Variants in FEM1C observed in about 807,000 individuals in gnomAD.
The protein encoded by FEM1C is protein fem-1 homolog C.
In FEM1C, 15 loss-of-function variants were observed where a neutral mutation model predicts 37.6. The observed-to-expected ratio is 0.40, with a 90% CI of 0.27 to 0.61. The LOEUF is 0.61. Ranked by LOEUF, FEM1C falls within the 20% of genes least tolerant of loss-of-function variation. FEM1C has a pLI of 0.42. For synonymous variants in FEM1C, 287 were observed against 272.8 expected, an observed-to-expected ratio of 1.05 and a Z score of -0.51; for missense variants, 532 against 749.7, an observed-to-expected ratio of 0.71 and a Z score of 3.39.
chr5:115,524,254 T>C lies in FEM1C; in HGVS notation c.*54A>G, dbSNP rs1753835218. The C allele has an allele frequency of 8.3e-6, 12 of 1,448,166 alleles. No homozygotes were observed. In the South Asian group the frequency reaches 1.4e-4, roughly 17 times the overall value. The allele number at this position is 1,448,166 out of a possible 1,614,324, so 89.7% of individuals were successfully genotyped here. On this transcript the variant is annotated 3_prime_UTR_variant, in exon 3 of 3. Transcript: ENST00000274457. ...GTGTTATCACAACAGTGCTCATTTA[T>C]GAAACAACTGTTACCAATTCGTGCT... is the stretch of plus-strand genomic sequence containing the variant.
At position 115,524,716 on chromosome 5, in the gene FEM1C, G is replaced by A. The variant is rs763454624; in HGVS notation, c.1446C>T (p.Asn482=). The change falls in exon 3 of 3, where the codon AAC becomes AAT. Residue 482 remains asparagine (N), a synonymous_variant. Transcript: ENST00000274457. Reference sequence around the variant, plus strand: ...CCACAGCCAGATGAAGAGGGCTGAAGTTATTCTTTCCCCTTGGATGCAGCT... The same window carrying A: ...CCACAGCCAGATGAAGAGGGCTGAAATTATTCTTTCCCCTTGGATGCAGCT... ...FLKLHPRGKN[N]FSPLHLAVDK... is the part of the protein sequence containing the mutation. The A allele has an allele frequency of 1.3e-6, 2 of 1,542,516 alleles. No individual in the cohort carries two copies. Among genetic ancestry groups the A allele is most frequent in the Non-Finnish European group, 1.7e-6 (2 of 1,149,138 alleles).
intron 2 of FEM1C, among the ~76,000 whole-genome samples, chr5:115,528,494 G>A (rs1753950123): frequency 2.6e-5 from 4 of 152,090 alleles, no homozygotes; most frequent in Admixed American, 2.6e-4. Context: ...TAACCCTAGG[G>A]AGTTAAAGTT....
chr5:115,541,848 A>G (rs1754248512), intron 2 of FEM1C, among the ~76,000 whole-genome samples: 1 of 152,134 alleles, frequency 6.6e-6, no homozygotes, highest in South Asian at 2.1e-4. Flanking sequence ...TTGTACATAG[A>G]CAAGTATGCT....
chr5:115,540,059 C>T (rs573287722), intron 2 of FEM1C, among the ~76,000 whole-genome samples: 1 of 152,032 alleles, frequency 6.6e-6, no homozygotes, highest in South Asian at 2.1e-4. Context: ...AGGAATTATT[C>T]TAATTTAACT....
Position 115,521,126 on chromosome 5 carries a change from T to C in FEM1C, c.*3182A>G, listed in dbSNP as rs550272733. On this transcript the variant is annotated 3_prime_UTR_variant, in exon 3 of 3. Transcript: ENST00000274457. ...AAAAAAGAAAATGATGATGACCAAT[T>C]AGTTTGTTTCCTTAGTATCTAACTC... The C allele has an allele frequency of 6.6e-6, 1 of 151,414 alleles. No individual in the cohort carries two copies. The highest frequency in any genetic ancestry group is 6.6e-5 in the Admixed American group (1 of 15,182). 9.4% of individuals were successfully genotyped at this position (151,414 alleles called of 1,614,324 possible).
In FEM1C at chr5:115,524,931, G is replaced by C; in HGVS notation, c.1231C>G (p.Leu411Val). ...ACGCTTTTGCAAAGTATGCCCATAA[G>C]ATCATCAAATGTAACAGTAGTACCC... Reference protein sequence around the residue: ...LLGTTVTFDDLMGILCKSVLE... With the variant: ...LLGTTVTFDDVMGILCKSVLE... Residue 411 changes from leucine to valine, a missense_variant, in exon 3 of 3, where the codon CTT becomes GTT. Leu to Val is a conservative substitution (Grantham distance 32). Around this residue, in one of 3 missense-constraint regions of FEM1C, gnomAD observed 237 missense variants for 260.5 expected, o/e 0.91. Coordinates refer to ENST00000274457, the MANE Select transcript of FEM1C (RefSeq NM_020177.3). 1 of 1,613,756 alleles carries C rather than the reference G, an allele frequency of 6.2e-7. No individual in the cohort carries two copies. The highest frequency in any genetic ancestry group is 8.5e-7 in the Non-Finnish European group (1 of 1,179,838).
intron 2 of FEM1C, among the ~76,000 whole-genome samples, chr5:115,538,672 G>A (rs993006070): frequency 4.1e-4 from 63 of 151,870 alleles, no homozygotes; most frequent in African/African-American, 1.5e-3. Flanking sequence ...ACTTTTACTG[G>A]CATGAAAAAT....
At chr5:115,528,068 A>G (rs1428062917) in intron 2 of FEM1C, among the ~76,000 whole-genome samples, 1 of 152,020 alleles carries the variant, frequency 6.6e-6, no homozygotes, top group Non-Finnish European at 1.5e-5. Context: ...TTTATCGAAA[A>G]AATACAAAAT....
chr5:115,525,504 A>T lies in FEM1C; in HGVS notation c.658T>A (p.Ser220Thr), dbSNP rs1316528204. 1 of 1,613,560 alleles carries T rather than the reference A, an allele frequency of 6.2e-7. No individual in the cohort carries two copies. The highest frequency in any genetic ancestry group is 8.5e-7 in the Non-Finnish European group (1 of 1,179,786). Reference protein sequence around the residue: ...KDGYGMTPLLSASVTGHTNIV... With the variant: ...KDGYGMTPLLTASVTGHTNIV... ...TTTGTGTGACCAGTCACACTTGCTG[A>T]GAGAAGGGGAGTCATTCCATAACCA... The change falls in exon 3 of 3, where the codon TCA (serine) becomes ACA (threonine). Residue 220 changes from serine to threonine, a missense_variant. Ser to Thr is a moderately conservative substitution (Grantham distance 58). This residue lies in a region of FEM1C where 221 missense variants were observed against 404.1 expected (regional missense o/e 0.55). Coordinates refer to ENST00000274457, the MANE Select transcript of FEM1C (RefSeq NM_020177.3).
Position 115,524,968 on chromosome 5 carries a change from A to G in FEM1C, c.1194T>C (p.Ala398=). ...ELFSFMLQDR[A]KGLLGTTVTF... ...TAACAGTAGTACCCAGCAGGCCTTTAGCCCTATCCTGTAGCATAAAGGAGA... is the reference window on the plus strand; with the variant it reads ...TAACAGTAGTACCCAGCAGGCCTTTGGCCCTATCCTGTAGCATAAAGGAGA... The change falls in exon 3 of 3, where the codon GCT becomes GCC. Residue 398 remains alanine (A), a synonymous_variant. Transcript: ENST00000274457. The G allele has an allele frequency of 3.1e-6, 5 of 1,613,786 alleles. No individual in the cohort carries two copies. Among genetic ancestry groups the G allele is most frequent in the Non-Finnish European group, 4.2e-6 (5 of 1,179,846 alleles).
At position 115,525,150 on chromosome 5, in the gene FEM1C, A is replaced by C. The variant is rs1004165328; in HGVS notation, c.1012T>G (p.Ser338Ala). ...RILGPSHPDT[S>A]YYIRYRGAVY... is the part of the protein sequence containing the mutation. Reference sequence around the variant, plus strand: ...GCGCCTCTATATCTAATATAGTAAGAGGTATCAGGATGAGAAGGACCAAGA... The same window carrying C: ...GCGCCTCTATATCTAATATAGTAAGCGGTATCAGGATGAGAAGGACCAAGA... The change falls in exon 3 of 3, where the codon TCT (serine) becomes GCT (alanine). Residue 338 changes from serine (S) to alanine (A), a missense_variant. By Grantham distance (99) the Ser-to-Ala change is moderately conservative (BLOSUM62 1). This residue lies in a region of FEM1C where 221 missense variants were observed against 404.1 expected (regional missense o/e 0.55). Transcript: ENST00000274457. 3 of 1,613,768 alleles carry C rather than the reference A, an allele frequency of 1.9e-6. No homozygotes were observed. The Admixed American group carries it at 5.0e-5, about 27-fold the overall frequency.
intron 2 of FEM1C, among the ~76,000 whole-genome samples, chr5:115,538,548 T>C (rs1361626465): frequency 6.6e-6 from 1 of 152,006 alleles, no homozygotes; most frequent in Non-Finnish European, 1.5e-5. Context: ...TCAAAGACTA[T>C]GTAGTAGAAT....
chr5:115,535,792 A>C (rs952486792), intron 2 of FEM1C, among the ~76,000 whole-genome samples: 1 of 152,012 alleles, frequency 6.6e-6, no homozygotes, highest in African/African-American at 2.4e-5. Context: ...GAATTTATCC[A>C]TGAATAGCTA....
intron 2 of FEM1C, among the ~76,000 whole-genome samples, chr5:115,534,072 T>G (rs1754071293): frequency 6.6e-6 from 1 of 152,012 alleles, no homozygotes; most frequent in Admixed American, 6.6e-5. Flanking sequence ...TAAAACAGTA[T>G]GATACGAATA....
At position 115,543,142 on chromosome 5, in the gene FEM1C, T is replaced by G; in HGVS notation, c.352A>C (p.Thr118Pro). The change falls in exon 2 of 3, where the codon ACT (threonine) becomes CCT (proline). Residue 118 changes from threonine (T) to proline (P), a missense_variant. This residue lies in a region of FEM1C where 221 missense variants were observed against 404.1 expected (regional missense o/e 0.55). Transcript: ENST00000274457. ...SVNNTTLTNS[T>P]PLRAACFDGH... ...TCGAAACACGCAGCTCGAAGAGGAGTTGAATTGGTTAAAGTCGTGTTGTTG... is the reference window on the plus strand; with the variant it reads ...TCGAAACACGCAGCTCGAAGAGGAGGTGAATTGGTTAAAGTCGTGTTGTTG... The G allele has an allele frequency of 6.2e-7, 1 of 1,613,926 alleles. No homozygotes were observed. The highest frequency in any genetic ancestry group is 8.5e-7 in the Non-Finnish European group (1 of 1,179,988).
At position 115,525,394 on chromosome 5, in the gene FEM1C, T is replaced by C; in HGVS notation, c.768A>G (p.Val256=). 1 of 1,613,714 alleles carries C rather than the reference T, an allele frequency of 6.2e-7. No homozygotes were observed. Among genetic ancestry groups the C allele is most frequent in the Non-Finnish European group, 8.5e-7 (1 of 1,179,778 alleles). ...NALELLGATF[V]DKKRDLLGAL... is the part of the protein sequence containing the mutation. Reference sequence around the variant, plus strand: ...CCCCAAGCAGATCTCTTTTTTTGTCTACAAATGTAGCTCCCAGAAGCTCTA... The same window carrying C: ...CCCCAAGCAGATCTCTTTTTTTGTCCACAAATGTAGCTCCCAGAAGCTCTA... Residue 256 remains valine, a synonymous_variant, in exon 3 of 3, where the codon GTA becomes GTG. Transcript: ENST00000274457.
intron 2 of FEM1C, among the ~76,000 whole-genome samples, chr5:115,529,846 G>A (rs956637088): frequency 2.6e-5 from 4 of 151,304 alleles, no homozygotes; most frequent in African/African-American, 9.7e-5. Context: ...AATAATAGAG[G>A]GTATGCACAT....
At chr5:115,535,783 A>G (rs1026819015) in intron 2 of FEM1C, among the ~76,000 whole-genome samples, 9 of 152,036 alleles carry the variant, frequency 5.9e-5, no homozygotes. Flanking sequence ...TCCACAGAAG[A>G]ATTTATCCAT....
intron 2 of FEM1C, among the ~76,000 whole-genome samples, chr5:115,531,026 G>A (rs1754003984): frequency 6.6e-6 from 1 of 151,592 alleles, no homozygotes; most frequent in South Asian, 2.1e-4. Flanking sequence ...TTTAACTGTT[G>A]CCCCCTTTTA....
Sources: allele counts gnomAD v4.1 joint callset (sites outside exome capture counted in the v4.1 genomes callset), GRCh38; gene constraint gnomAD v4.1.1; regional missense constraint gnomAD v4.1.1; transcripts MANE v1.5; gene names NCBI Gene and HGNC (gene_info 2026-07-23, HGNC 2026-07-21).